Variants in SYT1 observed in about 807,000 individuals in gnomAD.
SYT1 encodes the protein synaptotagmin-1.
SYT1 carries 8 observed loss-of-function variants against 44.8 expected under a neutral mutation model. The observed-to-expected ratio is 0.18, with a 90% confidence interval of 0.10 to 0.32. SYT1 has a LOEUF of 0.32. Among genes scored for constraint, SYT1 ranks in the 10% least tolerant of loss-of-function variants. The pLI is 1.00. For synonymous variants in SYT1, 154 were observed against 188.8 expected (o/e 0.82, Z 1.51); for missense variants, 286 against 509.3 (o/e 0.56, Z 4.22).
chr12:79,005,266 T>C (rs1871003506), intron 2 of SYT1, among the ~76,000 whole-genome samples: 1 of 152,042 alleles, frequency 6.6e-6, no homozygotes, highest in Non-Finnish European at 1.5e-5. Context: ...GTAATGTTTT[T>C]CATGATAATA....
At chr12:79,377,001 T>G (rs1417641382) in intron 9 of SYT1, among the ~76,000 whole-genome samples, 2 of 152,258 alleles carry the variant, frequency 1.3e-5, no homozygotes, top group African/African-American at 4.8e-5. Context: ...TTCTCCTTAT[T>G]GTTCAATTTC....
intron 3 of SYT1, among the ~76,000 whole-genome samples, chr12:79,120,603 G>C (rs981616807): frequency 1.3e-5 from 2 of 152,068 alleles, no homozygotes; most frequent in African/African-American, 2.4e-5. Context: ...CTTATGCAAA[G>C]TATCCTCTAA....
intron 3 of SYT1, among the ~76,000 whole-genome samples, chr12:79,049,451 T>C (rs1339006762): frequency 2.7e-5 from 4 of 146,016 alleles, no homozygotes; most frequent in Non-Finnish European, 4.5e-5. Flanking sequence ...AAATCACTCA[T>C]AAATTACATG....
intron 3 of SYT1, among the ~76,000 whole-genome samples, chr12:79,113,289 G>A (rs1449272704): frequency 6.6e-6 from 1 of 152,102 alleles, no homozygotes; most frequent in Non-Finnish European, 1.5e-5. Context: ...TTAACTTGAA[G>A]TTTTTAGCAA....
upstream of SYT1, chr12:78,864,605 A>G (rs1052587330): frequency 3.3e-5 from 5 of 152,072 alleles, no homozygotes; most frequent in Non-Finnish European, 5.9e-5. Flanking sequence ...TGTTGGCTGA[A>G]CGGATCCACC....
At chr12:78,973,934 AAAAAATATATATATATATATATAT>A (rs1442785830) in intron 1 of SYT1, among the ~76,000 whole-genome samples, 32 of 29,162 alleles carry the variant, frequency 1.1e-3, no homozygotes, top group African/African-American at 1.6e-3. Flanking sequence ...AAAAAAAAAA[AAAAAATATATATATATATATATAT>A]ATATATATAT....
rs979265150 is a variant in SYT1 at position 79,284,665 on chromosome 12, G to A, written c.167-1122G>A. On this transcript the variant is annotated intron_variant, in intron 4 of 10. Coordinates refer to ENST00000261205, the MANE Select transcript of SYT1 (RefSeq NM_005639.3). Reference sequence around the variant, plus strand: ...ATCCTGGCCAACATGGTGAAACCCCGTATCTACTAAAAAAAATATAAAAAT... The same window carrying A: ...ATCCTGGCCAACATGGTGAAACCCCATATCTACTAAAAAAAATATAAAAAT... 5.3e-5 allele frequency among the ~76,000 whole-genome samples: 8 copies of A among 151,770 alleles called. No individual in the cohort carries two copies. In the South Asian group the frequency reaches 6.3e-4, roughly 12 times the overall value.
At chr12:79,267,622 A>C (rs2138754632) in intron 4 of SYT1, among the ~76,000 whole-genome samples, 1 of 152,352 alleles carries the variant, frequency 6.6e-6, no homozygotes, top group South Asian at 2.1e-4. Flanking sequence ...ATTTCCCTTT[A>C]ACCACAATAT....
At chr12:79,153,637 T>C (rs1364737899) in intron 3 of SYT1, among the ~76,000 whole-genome samples, 1 of 152,152 alleles carries the variant, frequency 6.6e-6, no homozygotes, top group Non-Finnish European at 1.5e-5. Flanking sequence ...CTTACTATAA[T>C]GGTTATTTTC....
At chr12:79,426,803 A>G (rs1336020867) in intron 9 of SYT1, among the ~76,000 whole-genome samples, 2 of 152,184 alleles carry the variant, frequency 1.3e-5, no homozygotes, top group East Asian at 3.9e-4. Flanking sequence ...CTAAAATCTC[A>G]TCTTGAATTC....
At chr12:79,244,029 T>C (rs1479510576) in intron 4 of SYT1, among the ~76,000 whole-genome samples, 1 of 152,180 alleles carries the variant, frequency 6.6e-6, no homozygotes, top group Non-Finnish European at 1.5e-5. Flanking sequence ...AGAAAGTTGT[T>C]ATATATTTTA....
At chr12:78,971,280 T>C (rs1290353200) in intron 1 of SYT1, among the ~76,000 whole-genome samples, 3 of 152,182 alleles carry the variant, frequency 2.0e-5, no homozygotes, top group African/African-American at 4.8e-5. Flanking sequence ...CAAACTTCTT[T>C]TGAATAATTT....
intron 3 of SYT1, among the ~76,000 whole-genome samples, chr12:79,206,229 T>C (rs1028653177): frequency 2.3e-4 from 35 of 152,352 alleles, no homozygotes; most frequent in African/African-American, 7.7e-4. Flanking sequence ...ATAATGCTCT[T>C]TTTTTCAGAT....
intron 9 of SYT1, among the ~76,000 whole-genome samples, chr12:79,377,136 G>C (rs990101688): frequency 2.0e-5 from 2 of 99,130 alleles, no homozygotes; most frequent in East Asian, 3.3e-4. Flanking sequence ...TTTTGAGACA[G>C]AGTCTCGCTC....
intron 1 of SYT1, among the ~76,000 whole-genome samples, chr12:78,876,833 T>TTATATAA (rs1874144595): frequency 4.0e-5 from 2 of 50,236 alleles, no homozygotes; most frequent in Admixed American, 3.2e-4. Context: ...ATTATATGTA[T>TTATATAA]TATATATAAT....
intron 5 of SYT1, among the ~76,000 whole-genome samples, chr12:79,288,167 G>C (rs1052412184): frequency 6.6e-6 from 1 of 152,102 alleles, no homozygotes; most frequent in Non-Finnish European, 1.5e-5. Flanking sequence ...ATTTTATGAA[G>C]AGGAAGGCTA....
chr12:79,204,163 C>T (rs1057174641), intron 3 of SYT1, among the ~76,000 whole-genome samples: 1 of 152,142 alleles, frequency 6.6e-6, no homozygotes, highest in African/African-American at 2.4e-5. Context: ...ATTTTGTGAG[C>T]ATTATATGAG....
chr12:79,081,245 T>A (rs1395304831), intron 3 of SYT1, among the ~76,000 whole-genome samples: 2 of 152,138 alleles, frequency 1.3e-5, no homozygotes, highest in Non-Finnish European at 2.9e-5. Flanking sequence ...TTGTGTCTTC[T>A]CCCCTTCCAG....
At chr12:79,004,087 G>A (rs1870920947) in intron 2 of SYT1, among the ~76,000 whole-genome samples, 1 of 151,548 alleles carries the variant, frequency 6.6e-6, no homozygotes, top group Non-Finnish European at 1.5e-5. Context: ...CCAAGAAAAG[G>A]TAATCACATT....
Sources: allele counts gnomAD v4.1 joint callset (sites outside exome capture counted in the v4.1 genomes callset), GRCh38; gene constraint gnomAD v4.1.1; transcripts MANE v1.5; gene names NCBI Gene and HGNC (gene_info 2026-07-23, HGNC 2026-07-21).